The following ANGEL2 variants were observed in gnomAD, a reference collection of about 807,000 sequenced individuals.
The protein encoded by ANGEL2 is RNA 2',3'-cyclic phosphatase ANGEL2.
A neutral mutation model predicts 66.0 loss-of-function variants in ANGEL2; 41 were observed. That is an observed-to-expected ratio of 0.62 (90% CI 0.48 to 0.81). The LOEUF (loss-of-function observed/expected upper bound fraction) is 0.81. ANGEL2 is among the 30% of genes least tolerant of loss of function. The probability of loss-of-function intolerance (pLI) is 0.00; values close to 1 mark genes in which losing one functional copy is unlikely to be tolerated. For missense variants in ANGEL2, 561 were observed against 641.6 expected (o/e 0.87, Z 1.36); for synonymous variants, 208 against 226.5 (o/e 0.92, Z 0.73).
chr1:213,014,013 T>C (rs769229800), intron 1 of ANGEL2, among the ~76,000 whole-genome samples: 39 of 152,222 alleles, frequency 2.6e-4, no homozygotes, highest in Non-Finnish European at 5.4e-4. Flanking sequence ...TCCATTCTTT[T>C]TTAAGCATGA....
intron 8 of ANGEL2, 93 bp downstream of exon 8, chr1:212,997,062 C>A: frequency 8.6e-7 from 1 of 1,168,562 alleles, no homozygotes; most frequent in South Asian, 1.8e-5. Context: ...TCTAGAACTT[C>A]AACTGGATGT....
chr1:213,014,570 C>T (rs2076589631), intron 1 of ANGEL2, among the ~76,000 whole-genome samples: 1 of 152,198 alleles, frequency 6.6e-6, no homozygotes, highest in African/African-American at 2.4e-5. Context: ...TAATAAGCCA[C>T]TGTATTGAAA....
chr1:213,007,068 G>T, intron 4 of ANGEL2, 61 bp downstream of exon 4: 3 of 1,469,688 alleles, frequency 2.0e-6, no homozygotes, highest in Non-Finnish European at 2.8e-6. Context: ...CACTCCAGTT[G>T]GGCGACAGAG....
Position 213,000,927 on chromosome 1 carries a change from A to C in ANGEL2, c.1135-15T>G. 6.2e-7 allele frequency: 1 copy of C among 1,602,754 alleles called. No homozygotes were observed. The highest frequency in any genetic ancestry group is 8.5e-7 in the Non-Finnish European group (1 of 1,177,734). ...TGGCCAGATACCTAAACAAAATTTC[A>C]ACAGGTATCTTAAGTGAAAAGATTT... is the stretch of plus-strand genomic sequence containing the variant. On this transcript the variant is annotated splice_polypyrimidine_tract_variant and intron_variant, in intron 5 of 8. Transcript: ENST00000366962.
intron 8 of ANGEL2, among the ~76,000 whole-genome samples, chr1:212,996,151 CA>C (rs1446001161): frequency 6.6e-6 from 1 of 151,870 alleles, no homozygotes; most frequent in Non-Finnish European, 1.5e-5. Flanking sequence ...ACTAAAAATA[CA>C]AAAAATTAGC....
rs1269303381 is a variant in ANGEL2 at position 212,993,836 on chromosome 1, T to A, written c.*1205A>T. On this transcript the variant is annotated 3_prime_UTR_variant, in exon 9 of 9. Transcript: ENST00000366962. ...AGTTAATATCTCCCCACTAGAGTTT[T>A]ACAGGCTTCCTCATATTTCTGAGGC... 1 of 152,240 alleles carries A rather than the reference T, an allele frequency of 6.6e-6. No homozygotes were observed. Among genetic ancestry groups the A allele is most frequent in the Admixed American group, 6.5e-5 (1 of 15,292 alleles). The allele number at this position is 152,240 out of a possible 1,614,324, so 9.4% of individuals were successfully genotyped here. A position where few individuals can be genotyped will look rare whatever the true frequency, so the allele number is the denominator to read the frequency against.
chr1:212,994,949 C>T lies in ANGEL2; in HGVS notation c.*92G>A, dbSNP rs2075955833. The T allele has an allele frequency of 2.4e-6, 3 of 1,226,680 alleles. No homozygotes were observed. Among genetic ancestry groups the T allele is most frequent in the Non-Finnish European group, 3.2e-6 (3 of 935,196 alleles). 76.0% of individuals were successfully genotyped at this position (1,226,680 alleles called of 1,614,324 possible). A position where few individuals can be genotyped will look rare whatever the true frequency, so the allele number is the denominator to read the frequency against. On this transcript the variant is annotated 3_prime_UTR_variant, in exon 9 of 9. Coordinates refer to ENST00000366962, the MANE Select transcript of ANGEL2 (RefSeq NM_144567.5). ...TAACCGCTTCAGAATCTCCACAGTG[C>T]AAAAATAAACAACATGCATACACTT...
chr1:213,015,765 T>G lies in ANGEL2; in HGVS notation c.-94A>C. 1 of 1,566,328 alleles carries G rather than the reference T, an allele frequency of 6.4e-7. No homozygotes were observed. Among genetic ancestry groups the G allele is most frequent in the South Asian group, 1.1e-5 (1 of 89,128 alleles). Reference sequence around the variant, plus strand: ...GGCCTAAAGTATCTAGGGAACCCCATCACTCTTAAGTACCGACTCCAGTCC... The same window carrying G: ...GGCCTAAAGTATCTAGGGAACCCCAGCACTCTTAAGTACCGACTCCAGTCC... On this transcript the variant is annotated 5_prime_UTR_variant, in exon 1 of 9. It removes an upstream start codon present in the reference 5' UTR. Coordinates refer to ENST00000366962, the MANE Select transcript of ANGEL2 (RefSeq NM_144567.5).
At chr1:213,000,994 G>A (rs2148144935) in intron 5 of ANGEL2, 82 bp from the exon 6 acceptor site, 2 of 1,384,824 alleles carry the variant, frequency 1.4e-6, no homozygotes, top group South Asian at 2.7e-5. Context: ...TTAAATAAAA[G>A]GTAATCCAAA....
chr1:213,009,848 C>T (rs1422594909), intron 2 of ANGEL2, among the ~76,000 whole-genome samples: 2 of 151,504 alleles, frequency 1.3e-5, no homozygotes, highest in Admixed American at 6.6e-5. Context: ...GTCAGGAGTT[C>T]GAGACCAGCC....
intron 2 of ANGEL2, among the ~76,000 whole-genome samples, chr1:213,011,879 C>T (rs957601115): frequency 2.0e-5 from 3 of 152,154 alleles, no homozygotes; most frequent in African/African-American, 7.2e-5. Flanking sequence ...CATCATACTG[C>T]CCTATATTTA....
chr1:212,995,316 G>T, intron 8 of ANGEL2, 124 bp from the exon 9 acceptor site: 1 of 686,650 alleles, frequency 1.5e-6, no homozygotes, highest in Non-Finnish European at 2.2e-6. Context: ...TAAAAACTAT[G>T]ACACAGTTTT....
Position 213,015,659 on chromosome 1 carries a change from G to T in ANGEL2, c.13C>A (p.Arg5Ser). ...TGGCCGTAGCCCTTCCTCACACAGC[G>T]CCAGGCTTCCATCTTCGCCCTCCGC... MEAW[R>S]CVRKGYGHCV... The change falls in exon 1 of 9, where the codon CGC becomes AGC. Residue 5 changes from arginine to serine, a missense_variant. Coordinates refer to ENST00000366962, the MANE Select transcript of ANGEL2 (RefSeq NM_144567.5). 6.2e-7 allele frequency: 1 copy of T among 1,613,958 alleles called. No homozygotes were observed. Among genetic ancestry groups the T allele is most frequent in the Non-Finnish European group, 8.5e-7 (1 of 1,180,008 alleles).
chr1:212,994,935 G>T lies in ANGEL2; in HGVS notation c.*106C>A. ...CAAAGCATCTAACATAACCGCTTCA[G>T]AATCTCCACAGTGCAAAAATAAACA... On this transcript the variant is annotated 3_prime_UTR_variant, in exon 9 of 9. Transcript: ENST00000366962. 1 of 1,058,158 alleles carries T rather than the reference G, an allele frequency of 9.5e-7. No individual in the cohort carries two copies. The highest frequency in any genetic ancestry group is 1.3e-6 in the Non-Finnish European group (1 of 796,990). 65.5% of individuals were successfully genotyped at this position (1,058,158 alleles called of 1,614,324 possible).
intron 1 of ANGEL2, chr1:213,015,316 T>C (rs887543750): frequency 6.8e-6 from 9 of 1,329,024 alleles, no homozygotes; most frequent in South Asian, 3.5e-5. Context: ...GGAGGCTGGG[T>C]TGGGGGAAGC....
intron 2 of ANGEL2, among the ~76,000 whole-genome samples, chr1:213,011,669 G>A (rs1389610157): frequency 6.6e-6 from 1 of 152,188 alleles, no homozygotes; most frequent in African/African-American, 2.4e-5. Context: ...AAATCAAGGA[G>A]CAAAGAGGTT....
chr1:213,000,876 T>C lies in ANGEL2; in HGVS notation c.1171A>G (p.Ile391Val). The change falls in exon 6 of 9, where the codon ATT becomes GTT. Residue 391 changes from isoleucine (I) to valine (V), a missense_variant. Ile to Val is a conservative substitution (Grantham distance 29). Transcript: ENST00000366962. ...GGGGGCCAAATTGGAATAGATAAAATTCTTTGTCCCCGTGAAGACTGTTCC... is the reference window on the plus strand; with the variant it reads ...GGGGGCCAAATTGGAATAGATAAAACTCTTTGTCCCCGTGAAGACTGTTCC... ...GQEQSSRGQR[I>V]LSIPIWPPNL... 6.2e-7 allele frequency: 1 copy of C among 1,612,710 alleles called. No individual in the cohort carries two copies.
intron 2 of ANGEL2, among the ~76,000 whole-genome samples, chr1:213,010,630 G>T (rs2148174908): frequency 6.6e-6 from 1 of 150,834 alleles, no homozygotes; most frequent in Non-Finnish European, 1.5e-5. Context: ...ATAAACTGGA[G>T]ACTGTCTATG....
chr1:213,014,688 T>C (rs536487343), intron 1 of ANGEL2, among the ~76,000 whole-genome samples: 1 of 152,368 alleles, frequency 6.6e-6, no homozygotes, highest in Admixed American at 6.5e-5. Flanking sequence ...AGAACCGTCT[T>C]ATTCATTTTA....
Sources: gnomAD v4.1 joint callset for allele counts (sites outside exome capture counted in the v4.1 genomes callset) on GRCh38, gnomAD v4.1.1 for gene constraint, MANE v1.5 for transcripts, NCBI Gene and HGNC (gene_info 2026-07-23, HGNC 2026-07-21) for gene names.